OSTF1: variants seen among roughly 807,000 people sequenced by gnomAD.
The protein encoded by OSTF1 is osteoclast stimulating factor 1, also known as osteoclast-stimulating factor 1.
A neutral mutation model predicts 37.2 loss-of-function variants in OSTF1; 27 were observed. That is an observed-to-expected ratio of 0.73 (90% confidence interval 0.54 to 1.00). The LOEUF is 1.00. Among genes scored for constraint, OSTF1 ranks in the 50% least tolerant of loss-of-function variants. The pLI, the probability that OSTF1 is intolerant of heterozygous loss-of-function variation, is 0.00. For synonymous variants in OSTF1, 82 were observed against 89.2 expected (o/e 0.92, Z 0.46); for missense variants, 232 against 253.8 (o/e 0.91, Z 0.58).
At chr9:75,110,978 C>A (rs749907601) in intron 1 of OSTF1, among the ~76,000 whole-genome samples, 1 of 152,136 alleles carries the variant, frequency 6.6e-6, no homozygotes, top group Non-Finnish European at 1.5e-5. Context: ...TTTGGCCTCC[C>A]AAAGTGCTGG....
chr9:75,101,058 T>C (rs1232522792), intron 1 of OSTF1, among the ~76,000 whole-genome samples: 1 of 152,204 alleles, frequency 6.6e-6, no homozygotes, highest in East Asian at 1.9e-4. Context: ...GTTAAAATTC[T>C]CCCCTGGCCT....
chr9:75,122,920 A>T (rs1161239439), intron 2 of OSTF1, among the ~76,000 whole-genome samples: 1 of 152,228 alleles, frequency 6.6e-6, no homozygotes, highest in Non-Finnish European at 1.5e-5. Context: ...TCAAAAGTAT[A>T]TCAGTTTTTC....
intron 1 of OSTF1, among the ~76,000 whole-genome samples, chr9:75,095,029 C>T (rs563530285): frequency 6.6e-6 from 1 of 152,094 alleles, no homozygotes; most frequent in Non-Finnish European, 1.5e-5. Flanking sequence ...GACCCTGTCT[C>T]AAATAAACAA....
At chr9:75,143,785 T>G (rs1015909179) in intron 9 of OSTF1, among the ~76,000 whole-genome samples, 1 of 152,092 alleles carries the variant, frequency 6.6e-6, no homozygotes, top group African/African-American at 2.4e-5. Flanking sequence ...TTCCTATGCG[T>G]GCTATGCCCA....
chr9:75,125,773 TATA>T (rs1825651822), intron 2 of OSTF1, among the ~76,000 whole-genome samples: 1 of 152,240 alleles, frequency 6.6e-6, no homozygotes, highest in African/African-American at 2.4e-5. Flanking sequence ...GAGAAATAGT[TATA>T]ATAAGAATGT....
At chr9:75,106,101 G>A (rs1825278926) in intron 1 of OSTF1, among the ~76,000 whole-genome samples, 1 of 152,194 alleles carries the variant, frequency 6.6e-6, no homozygotes, top group African/African-American at 2.4e-5. Context: ...GGATTGGATA[G>A]GGGAAGTGGT....
intron 1 of OSTF1, among the ~76,000 whole-genome samples, chr9:75,098,710 C>G (rs1825133217): frequency 6.6e-6 from 1 of 152,190 alleles, no homozygotes; most frequent in South Asian, 2.1e-4. Flanking sequence ...CTTGTCTCCT[C>G]TCATGCTATT....
intron 1 of OSTF1, 39 bp downstream of exon 1, chr9:75,088,765 C>A (rs1048668026): frequency 6.3e-7 from 1 of 1,579,200 alleles, no homozygotes; most frequent in South Asian, 1.1e-5. Flanking sequence ...GGTCCTGCGA[C>A]CGCCGCGGTG....
chr9:75,113,395 A>G (rs570371007), intron 1 of OSTF1, among the ~76,000 whole-genome samples: 1 of 150,438 alleles, frequency 6.6e-6, no homozygotes, highest in African/African-American at 2.4e-5. Context: ...TTGTGTGTAG[A>G]TTATATTCTA....
chr9:75,135,338 C>T (rs1242300775), intron 7 of OSTF1, among the ~76,000 whole-genome samples: 1 of 152,120 alleles, frequency 6.6e-6, no homozygotes, highest in Non-Finnish European at 1.5e-5. Flanking sequence ...GTATGATCTG[C>T]TTTTTCTCTT....
intron 1 of OSTF1, among the ~76,000 whole-genome samples, chr9:75,113,244 A>G (rs1324891404): frequency 6.6e-6 from 1 of 152,148 alleles, no homozygotes; most frequent in Non-Finnish European, 1.5e-5. Context: ...TAAAGGTAAT[A>G]CACACTTGGC....
chr9:75,128,381 TA>T (rs1240707641), intron 3 of OSTF1, among the ~76,000 whole-genome samples: 2 of 90,012 alleles, frequency 2.2e-5, no homozygotes, highest in African/African-American at 9.6e-5. Context: ...TATATATATA[TA>T]TATATATATA....
At chr9:75,122,642 G>A (rs1483371132) in intron 2 of OSTF1, among the ~76,000 whole-genome samples, 2 of 152,100 alleles carry the variant, frequency 1.3e-5, no homozygotes, top group Non-Finnish European at 2.9e-5. Context: ...CAGGGACTTC[G>A]TAATCTGACT....
chr9:75,142,560 A>T lies in OSTF1; in HGVS notation c.586+1628A>T, dbSNP rs190121330. On this transcript the variant is annotated intron_variant, in intron 9 of 9. Transcript: ENST00000346234. Reference sequence around the variant, plus strand: ...TTAGACCTCAGAGAGCTTACCCAGAAGCCTTACTCAGGAGTGGTTTGAGTT... The same window carrying T: ...TTAGACCTCAGAGAGCTTACCCAGATGCCTTACTCAGGAGTGGTTTGAGTT... Among the ~76,000 whole-genome samples the T allele has an allele frequency of 1.4e-4, 22 of 152,226 alleles. 1 individual carries two copies. Among genetic ancestry groups the T allele is most frequent in the Admixed American group, 1.4e-3 (22 of 15,296 alleles).
Position 75,142,870 on chromosome 9 carries a change from C to T in OSTF1, c.586+1938C>T, listed in dbSNP as rs1311198389. Reference sequence around the variant, plus strand: ...TGATCCTCATTGGAATAGGTTTGGACTATTTGGCCATAGAGTTAATTGTCA... The same window carrying T: ...TGATCCTCATTGGAATAGGTTTGGATTATTTGGCCATAGAGTTAATTGTCA... On this transcript the variant is annotated intron_variant, in intron 9 of 9. Transcript: ENST00000346234. Among the ~76,000 whole-genome samples the T allele has an allele frequency of 6.6e-5, 10 of 151,672 alleles. 1 individual carries two copies. The highest frequency in any genetic ancestry group is 1.5e-4 in the Non-Finnish European group (10 of 67,978).
At chr9:75,139,315 G>A (rs1191191152) in intron 8 of OSTF1, among the ~76,000 whole-genome samples, 1 of 151,822 alleles carries the variant, frequency 6.6e-6, no homozygotes, top group Non-Finnish European at 1.5e-5. Context: ...ATTACAGGCG[G>A]ATGAGCTACT....
intron 1 of OSTF1, among the ~76,000 whole-genome samples, chr9:75,103,320 C>T (rs1587442494): frequency 1.3e-5 from 2 of 152,146 alleles, no homozygotes; most frequent in African/African-American, 2.4e-5. Context: ...ATACAGGTAC[C>T]TTATAAGTTA....
chr9:75,144,582 C>T (rs896959898), intron 9 of OSTF1, among the ~76,000 whole-genome samples: 2 of 152,122 alleles, frequency 1.3e-5, no homozygotes, highest in Non-Finnish European at 2.9e-5. Flanking sequence ...CTTTATCTTT[C>T]CTTCTCTCTC....
At chr9:75,117,766 C>G (rs571555382) in intron 2 of OSTF1, among the ~76,000 whole-genome samples, 1 of 152,182 alleles carries the variant, frequency 6.6e-6, no homozygotes, top group Non-Finnish European at 1.5e-5. Context: ...AAGCTTCTCC[C>G]TACATGGTGA....
Sources: gnomAD v4.1 joint callset for allele counts (sites outside exome capture counted in the v4.1 genomes callset) on GRCh38, gnomAD v4.1.1 for gene constraint, MANE v1.5 for transcripts, NCBI Gene and HGNC (gene_info 2026-07-23, HGNC 2026-07-21) for gene names.